NCKAP5: variants seen among roughly 807,000 people sequenced by gnomAD.
NCKAP5 encodes the protein nck-associated protein 5.
NCKAP5 carries 92 observed loss-of-function variants against 167.0 expected under a neutral mutation model. The ratio of observed to expected loss-of-function variants is 0.55; its 90% confidence interval spans 0.47 to 0.66. The LOEUF (loss-of-function observed/expected upper bound fraction) is 0.66. Among genes scored for constraint, NCKAP5 ranks in the 30% least tolerant of loss-of-function variants. NCKAP5 has a pLI of 0.00. For synonymous variants in NCKAP5, 891 were observed against 877.4 expected, an observed-to-expected ratio of 1.02 and a Z score of -0.27; for missense variants, 2,378 against 2,315.0, an observed-to-expected ratio of 1.03 and a Z score of -0.56.
At chr2:133,404,195 G>T (rs1688279361) in intron 3 of NCKAP5, among the ~76,000 whole-genome samples, 1 of 152,196 alleles carries the variant, frequency 6.6e-6, no homozygotes, top group African/African-American at 2.4e-5. Context: ...TGACTGGGTA[G>T]AAAATGAACA....
Position 133,019,587 on chromosome 2 carries a change from C to T in NCKAP5, c.342-25348G>A, listed in dbSNP as rs1003518423. Among the ~76,000 whole-genome samples the T allele has an allele frequency of 1.1e-4, 17 of 152,012 alleles. 1 individual carries two copies. The highest frequency in any genetic ancestry group is 6.2e-4 in the South Asian group (3 of 4,820). On this transcript the variant is annotated intron_variant, in intron 6 of 19. Transcript: ENST00000409261. ...CTGATTATTCCTTGAACTTGTATCC[C>T]AAGAAAAGGGGATGAAGCCACATAA...
At chr2:133,288,749 G>A (rs1679347921) in intron 4 of NCKAP5, among the ~76,000 whole-genome samples, 1 of 152,118 alleles carries the variant, frequency 6.6e-6, no homozygotes, top group Admixed American at 6.5e-5. Flanking sequence ...CCAAGAGACA[G>A]TCCAAGAGTT....
At chr2:133,420,798 C>T (rs905488169) in intron 3 of NCKAP5, among the ~76,000 whole-genome samples, 2 of 152,130 alleles carry the variant, frequency 1.3e-5, no homozygotes, top group East Asian at 3.9e-4. Flanking sequence ...TAAAGGCTCA[C>T]AGAGATTAGG....
At chr2:132,938,882 C>A (rs889130247) in intron 8 of NCKAP5, among the ~76,000 whole-genome samples, 3 of 152,102 alleles carry the variant, frequency 2.0e-5, no homozygotes, top group African/African-American at 7.2e-5. Flanking sequence ...CAGTCCCTTG[C>A]CCCAGCCCCC....
At chr2:133,012,397 G>A (rs752397799) in intron 6 of NCKAP5, among the ~76,000 whole-genome samples, 8 of 152,082 alleles carry the variant, frequency 5.3e-5, no homozygotes, top group South Asian at 2.1e-4. Flanking sequence ...ACAGGTGCAC[G>A]CCGCCATGCC....
chr2:133,602,786 G>A, the NCKAP5 span, among the ~76,000 whole-genome samples: 27 of 152,334 alleles, frequency 1.8e-4, no homozygotes, highest in African/African-American at 6.3e-4. Flanking sequence ...TAAGGGAAGG[G>A]AGGGAAGTTA....
At chr2:133,657,274 A>G in the NCKAP5 span, among the ~76,000 whole-genome samples, 3 of 152,170 alleles carry the variant, frequency 2.0e-5, no homozygotes, top group Non-Finnish European at 4.4e-5. Flanking sequence ...AACTAGGATC[A>G]AGGCTGGCAG....
intron 3 of NCKAP5, among the ~76,000 whole-genome samples, chr2:133,455,655 C>T (rs962939815): frequency 3.9e-5 from 6 of 152,144 alleles, no homozygotes; most frequent in African/African-American, 1.4e-4. Context: ...CTCCCCATCA[C>T]TTCTAATACC....
chr2:132,805,752 A>C (rs1054672587), intron 11 of NCKAP5, among the ~76,000 whole-genome samples: 1 of 151,588 alleles, frequency 6.6e-6, no homozygotes, highest in African/African-American at 2.4e-5. Flanking sequence ...AAAAAATTTA[A>C]TTTAATTTAA....
rs1284597374 is a variant in NCKAP5, at chr2:133,250,760, AGCCT to A, written c.144-36985_144-36982del. Among the ~76,000 whole-genome samples the A allele has an allele frequency of 1.2e-4, 19 of 152,250 alleles. No homozygotes were observed. The East Asian group carries it at 3.5e-3, about 28-fold the overall frequency. ...TGAGACCAGCCTGGACAACACAGGG[AGCCT>A]ACATCTCTACAAAAAATTAGTTGTG... On this transcript the variant is annotated intron_variant, in intron 4 of 19. Transcript: ENST00000409261.
intron 3 of NCKAP5, among the ~76,000 whole-genome samples, chr2:133,312,106 A>G (rs895215551): frequency 6.6e-6 from 1 of 152,232 alleles, no homozygotes; most frequent in Non-Finnish European, 1.5e-5. Flanking sequence ...AACTGATGAT[A>G]AGAAAGCATG....
intron 16 of NCKAP5, among the ~76,000 whole-genome samples, chr2:132,747,023 G>T (rs1679705005): frequency 6.6e-6 from 1 of 152,074 alleles, no homozygotes; most frequent in Non-Finnish European, 1.5e-5. Context: ...GGTGATGAAA[G>T]TGTTGTAAAT....
At chr2:132,750,629 G>A (rs1481673981) in intron 16 of NCKAP5, among the ~76,000 whole-genome samples, 1 of 152,174 alleles carries the variant, frequency 6.6e-6, no homozygotes, top group African/African-American at 2.4e-5. Context: ...GAGCTGAACA[G>A]AATAGTGATG....
At chr2:133,486,209 C>G (rs906111265) in intron 3 of NCKAP5, among the ~76,000 whole-genome samples, 1 of 152,220 alleles carries the variant, frequency 6.6e-6, no homozygotes, top group African/African-American at 2.4e-5. Context: ...CCATTGCATT[C>G]TTTCTCAGAA....
chr2:133,436,367 T>C (rs1420791580), intron 3 of NCKAP5, among the ~76,000 whole-genome samples: 1 of 152,228 alleles, frequency 6.6e-6, no homozygotes, highest in Non-Finnish European at 1.5e-5. Context: ...AGAGTCAGAC[T>C]GGGACTCACA....
intron 4 of NCKAP5, among the ~76,000 whole-genome samples, chr2:133,258,801 A>G (rs903192100): frequency 4.6e-5 from 7 of 152,092 alleles, no homozygotes; most frequent in African/African-American, 1.7e-4. Context: ...TAACAGATTC[A>G]GTGATCAAAA....
At chr2:133,053,275 A>G (rs1394366826) in intron 6 of NCKAP5, among the ~76,000 whole-genome samples, 8 of 152,176 alleles carry the variant, frequency 5.3e-5, no homozygotes, top group Non-Finnish European at 7.3e-5. Flanking sequence ...ACTGTCCAGA[A>G]AGAAAGATGC....
intron 4 of NCKAP5, among the ~76,000 whole-genome samples, chr2:133,271,985 G>A (rs2089533037): frequency 6.6e-6 from 1 of 151,678 alleles, no homozygotes; most frequent in Admixed American, 6.6e-5. Context: ...TTATTATTCT[G>A]GTCTTTTAAT....
chr2:132,805,242 T>G (rs1020968491), intron 11 of NCKAP5, among the ~76,000 whole-genome samples: 1 of 152,026 alleles, frequency 6.6e-6, no homozygotes, highest in Non-Finnish European at 1.5e-5. Context: ...GTCTTGCAAG[T>G]GAAAAAACTG....
Sources: allele counts gnomAD v4.1 joint callset (sites outside exome capture counted in the v4.1 genomes callset), GRCh38; gene constraint gnomAD v4.1.1; transcripts MANE v1.5; gene names NCBI Gene and HGNC (gene_info 2026-07-23, HGNC 2026-07-21).